EPHA6: variants seen among roughly 807,000 people sequenced by gnomAD.
EPHA6 encodes ephrin type-A receptor 6.
Under a neutral mutation model 112.0 loss-of-function variants are expected in EPHA6, and 50 were observed. The observed-to-expected ratio is 0.45, with a 90% confidence interval of 0.36 to 0.56. EPHA6 has a LOEUF of 0.56. EPHA6 is among the 20% of genes least tolerant of loss of function. The pLI is 0.00. For synonymous variants in EPHA6, 529 were observed against 490.7 expected, an observed-to-expected ratio of 1.08 and a Z score of -1.03; for missense variants, 1,280 against 1,417.4, an observed-to-expected ratio of 0.90 and a Z score of 1.56.
At chr3:97,565,301 G>A (rs747991970) in intron 11 of EPHA6, among the ~76,000 whole-genome samples, 1 of 151,908 alleles carries the variant, frequency 6.6e-6, no homozygotes, top group African/African-American at 2.4e-5. Context: ...AGTAATAACA[G>A]CCCTATTATT....
intron 9 of EPHA6, 129 bp from the exon 10 acceptor site, chr3:97,483,805 A>G (rs2091624044): frequency 1.0e-6 from 1 of 996,840 alleles, no homozygotes. Flanking sequence ...GGACAGGAAG[A>G]AAAGAGAGAC....
intron 3 of EPHA6, among the ~76,000 whole-genome samples, chr3:97,120,517 A>G (rs1001015563): frequency 4.6e-5 from 7 of 151,934 alleles, no homozygotes; most frequent in African/African-American, 7.2e-5. Context: ...GGACTGAGTC[A>G]CCACTTCTTC....
At chr3:96,982,289 T>C (rs1294682087) in intron 2 of EPHA6, among the ~76,000 whole-genome samples, 2 of 152,210 alleles carry the variant, frequency 1.3e-5, no homozygotes, top group East Asian at 3.9e-4. Flanking sequence ...AACATCTTTA[T>C]TTCTGCCTTC....
intron 14 of EPHA6, among the ~76,000 whole-genome samples, chr3:97,695,895 A>T (rs189672940): frequency 6.6e-6 from 1 of 152,344 alleles, no homozygotes; most frequent in East Asian, 1.9e-4. Flanking sequence ...ACCAAACCAG[A>T]CATATCACTA....
intron 3 of EPHA6, among the ~76,000 whole-genome samples, chr3:97,125,003 G>C (rs2048144871): frequency 6.6e-6 from 1 of 151,220 alleles, no homozygotes; most frequent in African/African-American, 2.5e-5. Context: ...GGAGCACCTT[G>C]ACCCCCAAGT....
Position 97,085,916 on chromosome 3 carries a change from TATATATGATGTC to T in EPHA6, c.1114+97930_1114+97941del, listed in dbSNP as rs565647215. Among the ~76,000 whole-genome samples the T allele has an allele frequency of 6.0e-3, 871 of 144,218 alleles. 13 individuals carry two copies. The highest frequency in any genetic ancestry group is 0.021 in the African/African-American group (782 of 36,942). 94.6% of individuals were successfully genotyped at this position (144,218 alleles called of 152,430 possible). ...GAAAATTCAGATTTGTGAGCTTTTA[TATATATGATGTC>T]ATATATATATATATATATATACACA... is the stretch of plus-strand genomic sequence containing the variant. On this transcript the variant is annotated intron_variant, in intron 3 of 17. Coordinates refer to ENST00000389672, the MANE Select transcript of EPHA6 (RefSeq NM_001080448.3).
intron 3 of EPHA6, among the ~76,000 whole-genome samples, chr3:97,088,434 T>C (rs2046969158): frequency 6.6e-6 from 1 of 152,112 alleles, no homozygotes; most frequent in African/African-American, 2.4e-5. Context: ...TCATTCTGTC[T>C]CCATTCTTAG....
chr3:97,003,008 T>A (rs936395417), intron 3 of EPHA6, among the ~76,000 whole-genome samples: 1 of 152,294 alleles, frequency 6.6e-6, no homozygotes, highest in African/African-American at 2.4e-5. Context: ...ATGGGAAGAA[T>A]AGACAGATTG....
At chr3:97,039,533 T>G (rs79232508) in intron 3 of EPHA6, among the ~76,000 whole-genome samples, 2,116 of 152,060 alleles carry the variant, frequency 0.014, 58 homozygotes, top group African/African-American at 0.048. Flanking sequence ...GAATAGATTA[T>G]GAGAGTCATG....
chr3:96,921,654 C>T (rs551485371), intron 2 of EPHA6, among the ~76,000 whole-genome samples: 115 of 151,794 alleles, frequency 7.6e-4, no homozygotes, highest in Admixed American at 2.2e-3. Flanking sequence ...CTGCAACCTC[C>T]GCCTCTGGAT....
At chr3:97,645,695 A>T (rs541397915) in intron 14 of EPHA6, among the ~76,000 whole-genome samples, 2 of 152,286 alleles carry the variant, frequency 1.3e-5, no homozygotes, top group East Asian at 3.9e-4. Context: ...TCTTTGTTTT[A>T]TAAGAACATC....
At chr3:97,329,653 T>G (rs1278798550) in intron 5 of EPHA6, among the ~76,000 whole-genome samples, 2 of 152,192 alleles carry the variant, frequency 1.3e-5, no homozygotes, top group African/African-American at 2.4e-5. Context: ...CACCCACTTT[T>G]TGATGGGGTT....
At chr3:96,946,874 G>A (rs1173940340) in intron 2 of EPHA6, among the ~76,000 whole-genome samples, 1 of 152,110 alleles carries the variant, frequency 6.6e-6, no homozygotes, top group Non-Finnish European at 1.5e-5. Flanking sequence ...ATTCCAATTG[G>A]TGTGAAGTGA....
At chr3:97,402,047 CTTG>C (rs1559961170) in intron 5 of EPHA6, among the ~76,000 whole-genome samples, 2 of 151,860 alleles carry the variant, frequency 1.3e-5, no homozygotes, top group African/African-American at 2.4e-5. Flanking sequence ...TTTTTATAAA[CTTG>C]TTGAGACTTG....
intron 12 of EPHA6, among the ~76,000 whole-genome samples, chr3:97,594,913 A>T (rs2093574680): frequency 6.6e-6 from 1 of 152,184 alleles, no homozygotes; most frequent in South Asian, 2.1e-4. Context: ...ACAGTATTTT[A>T]AGGGTCACAT....
At chr3:97,484,366 A>G (rs1294294622) in intron 10 of EPHA6, among the ~76,000 whole-genome samples, 1 of 152,212 alleles carries the variant, frequency 6.6e-6, no homozygotes, top group Non-Finnish European at 1.5e-5. Flanking sequence ...TTGAGCGCCA[A>G]CATGTATAGA....
chr3:97,350,387 G>A lies in EPHA6; in HGVS notation c.1607-54763G>A, dbSNP rs547170927. Among the ~76,000 whole-genome samples the A allele has an allele frequency of 2.6e-5, 4 of 152,148 alleles. 1 individual carries two copies. In the East Asian group the frequency reaches 7.7e-4, roughly 29 times the overall value. Reference sequence around the variant, plus strand: ...TATCACAATGCAGAACATTTTAAAAGACCTACCCAATGCATTTTGTTGTGT... The same window carrying A: ...TATCACAATGCAGAACATTTTAAAAAACCTACCCAATGCATTTTGTTGTGT... On this transcript the variant is annotated intron_variant, in intron 5 of 17. Transcript: ENST00000389672.
intron 1 of EPHA6, among the ~76,000 whole-genome samples, chr3:96,835,839 T>C (rs1192208500): frequency 1.3e-5 from 2 of 152,144 alleles, no homozygotes; most frequent in Non-Finnish European, 2.9e-5. Flanking sequence ...AAGTATTGTT[T>C]ATTTCCTTAA....
chr3:97,438,176 G>A (rs2089954651), intron 6 of EPHA6, among the ~76,000 whole-genome samples: 1 of 152,122 alleles, frequency 6.6e-6, no homozygotes, highest in Admixed American at 6.6e-5. Context: ...GTAAAGCACA[G>A]AAGAAAAATC....
Sources: gnomAD v4.1 joint callset for allele counts (sites outside exome capture counted in the v4.1 genomes callset) on GRCh38, gnomAD v4.1.1 for gene constraint, MANE v1.5 for transcripts, NCBI Gene and HGNC (gene_info 2026-07-23, HGNC 2026-07-21) for gene names.